The following BCOR variants were observed in gnomAD, a reference collection of about 807,000 sequenced individuals.
The protein encoded by BCOR is BCL-6 corepressor.
In BCOR, 10 loss-of-function variants were observed where a neutral mutation model predicts 86.7. The ratio of observed to expected loss-of-function variants is 0.12; its 90% CI spans 0.07 to 0.20. BCOR has a LOEUF of 0.20. BCOR is among the 10% of genes least tolerant of loss of function. The probability of loss-of-function intolerance (pLI) is 1.00; values close to 1 mark genes in which losing one functional copy is unlikely to be tolerated. For missense variants in BCOR, 1,259 were observed against 1,452.1 expected, an observed-to-expected ratio of 0.87 and a Z score of 2.16; for synonymous variants, 611 against 609.0, an observed-to-expected ratio of 1.00 and a Z score of -0.05.
chrX:40,079,064 C>T (rs867093262), intron 1 of BCOR, among the ~76,000 whole-genome samples: 2 of 111,375 alleles, frequency 1.8e-5, no homozygotes, highest in Admixed American at 1.9e-4. Flanking sequence ...TGCCTGGGAC[C>T]GATGGCCCTC....
chrX:40,059,360 T>G, intron 10 of BCOR, among the ~76,000 whole-genome samples: 1 of 112,452 alleles, frequency 8.9e-6, no homozygotes, highest in East Asian at 2.8e-4. Flanking sequence ...CATATTCAAT[T>G]AACACAAAGT....
chrX:40,076,396 T>C (rs1935808304), intron 3 of BCOR, 58 bp downstream of exon 3: 4 of 936,692 alleles, frequency 4.3e-6, no homozygotes, highest in Non-Finnish European at 6.1e-6. Flanking sequence ...ATTAATACGA[T>C]TGATTACAGA....
chrX:40,051,428 T>G lies in BCOR; in HGVS notation c.*681A>C, dbSNP rs753890959. ...CAACCTCAACATATTATGTTAGTTT[T>G]CAATATTTTACAGGGTACAGAAAAA... On this transcript the variant is annotated 3_prime_UTR_variant, in exon 15 of 15. Transcript: ENST00000378444. The G allele has an allele frequency of 9.4e-5, 16 of 170,782 alleles. No individual in the cohort carries two copies. The highest frequency in any genetic ancestry group is 1.8e-4 in the Non-Finnish European group (16 of 89,149). 14.1% of individuals were successfully genotyped at this position (170,782 alleles called of 1,213,427 possible). A position where few individuals can be genotyped will look rare whatever the true frequency, so the allele number is the denominator to read the frequency against.
intron 6 of BCOR, among the ~76,000 whole-genome samples, chrX:40,068,885 G>A (rs1432440426): frequency 1.8e-5 from 2 of 113,041 alleles, no homozygotes; most frequent in African/African-American, 6.4e-5. Flanking sequence ...GCACCCACAC[G>A]CAGGCAGCTG....
chrX:40,064,016 C>T, intron 7 of BCOR, 64 bp from the exon 8 acceptor site: 2 of 498,576 alleles, frequency 4.0e-6, no homozygotes, highest in Non-Finnish European at 6.6e-6. Flanking sequence ...CTGTCTTACG[C>T]ATCACTAATG....
At chrX:40,126,319 A>T (rs1937541671) in intron 1 of BCOR, among the ~76,000 whole-genome samples, 1 of 107,772 alleles carries the variant, frequency 9.3e-6, no homozygotes, top group Non-Finnish European at 1.9e-5. Flanking sequence ...AGGTCGGGAG[A>T]TCGAGACCAG....
chrX:40,107,191 G>A (rs1349348683), intron 1 of BCOR, among the ~76,000 whole-genome samples: 1 of 112,026 alleles, frequency 8.9e-6, no homozygotes, highest in Non-Finnish European at 1.9e-5. Context: ...CTCCCGTATA[G>A]GATCTAGGGC....
chrX:40,109,160 GCA>G (rs1937251141), intron 1 of BCOR, among the ~76,000 whole-genome samples: 4 of 112,076 alleles, frequency 3.6e-5, no homozygotes, highest in Non-Finnish European at 5.7e-5. Flanking sequence ...GCCCGGAGCC[GCA>G]GATTAGTCAC....
At chrX:40,095,082 G>C (rs1602206700) in intron 1 of BCOR, among the ~76,000 whole-genome samples, 1 of 112,087 alleles carries the variant, frequency 8.9e-6, no homozygotes, top group Admixed American at 9.3e-5. Context: ...GTGCGTGGCG[G>C]TGTATACCCG....
chrX:40,087,645 G>A (rs962240461), intron 1 of BCOR, among the ~76,000 whole-genome samples: 4 of 111,185 alleles, frequency 3.6e-5, no homozygotes, highest in Non-Finnish European at 7.5e-5. Context: ...CTTGTGGCCA[G>A]TAGAAATAAA....
rs746216348 is a variant in BCOR, at chrX:40,072,930, C to T, written c.2416G>A (p.Val806Ile). The T allele has an allele frequency of 8.3e-6, 10 of 1,211,438 alleles. No homozygotes were observed. The highest frequency in any genetic ancestry group is 2.3e-4 in the Middle Eastern group (1 of 4,353). ...TCTGGTTCTTCTCGGAGAAGGTCTA[C>T]GTAGACAAGCTTGTCGCTTTTGACA... Reference protein sequence around the residue: ...TVVKSDKLVYVDLLREEPDAK... With the variant: ...TVVKSDKLVYIDLLREEPDAK... The change falls in exon 4 of 15, where the codon GTA (valine) becomes ATA (isoleucine). Residue 806 changes from valine to isoleucine, a missense_variant. Transcript: ENST00000378444.
At chrX:40,095,687 T>C (rs1348458729) in intron 1 of BCOR, among the ~76,000 whole-genome samples, 1 of 111,954 alleles carries the variant, frequency 8.9e-6, no homozygotes, top group Admixed American at 9.3e-5. Context: ...CTTTTTAAGG[T>C]TTGTTTCTAA....
intron 6 of BCOR, among the ~76,000 whole-genome samples, chrX:40,070,242 G>A (rs984574482): frequency 1.8e-5 from 2 of 111,870 alleles, no homozygotes; most frequent in Non-Finnish European, 3.8e-5. Context: ...CATGTTGCAA[G>A]CAGACCTAAA....
Position 40,097,468 on chromosome X carries a change from C to T in BCOR, c.-294G>A, listed in dbSNP as rs1936948567. 1 of 104,772 alleles carries T rather than the reference C, an allele frequency of 9.5e-6. No individual in the cohort carries two copies. Among genetic ancestry groups the T allele is most frequent in the African/African-American group, 3.5e-5 (1 of 28,848 alleles). The allele number at this position is 104,772 out of a possible 1,213,427, so 8.6% of individuals were successfully genotyped here. On this transcript the variant is annotated 5_prime_UTR_variant, in exon 1 of 15. Transcript: ENST00000378444. ...CGGCGCCGCGCTCACTCGACTCCCT[C>T]GCCGTCTGCTGGCAGCCGGCTGCCC...
At chrX:40,135,615 C>T (rs62584530) in intron 1 of BCOR, among the ~76,000 whole-genome samples, 7,211 of 110,926 alleles carry the variant, frequency 0.065, 238 homozygotes, top group Non-Finnish European at 0.1. Context: ...GTCTCGAACT[C>T]CTGACCTCAG....
intron 1 of BCOR, among the ~76,000 whole-genome samples, chrX:40,144,765 G>C (rs1938003532): frequency 9.2e-6 from 1 of 108,929 alleles, no homozygotes; most frequent in Non-Finnish European, 1.9e-5. Context: ...GGAGGTGAAC[G>C]GCTCAGTCTC....
At chrX:40,102,375 G>A (rs1937088289), upstream of BCOR, among the ~76,000 whole-genome samples, 2 of 113,178 alleles carry the variant, frequency 1.8e-5, no homozygotes, top group South Asian at 7.1e-4. Flanking sequence ...AGGGTGGTTG[G>A]GTGTCGACCA....
intron 1 of BCOR, among the ~76,000 whole-genome samples, chrX:40,144,431 T>G (rs1479440908): frequency 1.8e-5 from 2 of 111,851 alleles, no homozygotes; most frequent in Admixed American, 1.9e-4. Flanking sequence ...CAAAAAACAC[T>G]GGCTATACAT....
At chrX:40,158,623 T>C (rs953483729) in intron 1 of BCOR, among the ~76,000 whole-genome samples, 2 of 112,307 alleles carry the variant, frequency 1.8e-5, no homozygotes, top group African/African-American at 6.5e-5. Flanking sequence ...TGTTATCGCT[T>C]CTCCCGCGCA....
Sources: allele counts gnomAD v4.1 joint callset (sites outside exome capture counted in the v4.1 genomes callset), GRCh38; gene constraint gnomAD v4.1.1; transcripts MANE v1.5; gene names NCBI Gene and HGNC (gene_info 2026-07-23, HGNC 2026-07-21).